TENM4: variants seen among roughly 807,000 people sequenced by gnomAD.
TENM4 encodes teneurin-4.
TENM4 carries 82 observed loss-of-function variants against 243.3 expected under a neutral mutation model. The ratio of observed to expected loss-of-function variants is 0.34; its 90% CI spans 0.28 to 0.40. The LOEUF is 0.40. Among genes scored for constraint, TENM4 ranks in the 10% least tolerant of loss-of-function variants. The pLI is 1.00. For missense variants in TENM4, 3,138 were observed against 3,673.3 expected (o/e 0.85, Z 3.77); for synonymous variants, 1,412 against 1,456.3 (o/e 0.97, Z 0.69).
intron 6 of TENM4, among the ~76,000 whole-genome samples, chr11:78,904,898 T>G (rs542373140): frequency 3.9e-5 from 6 of 152,346 alleles, no homozygotes; most frequent in African/African-American, 1.2e-4. Context: ...CCATCTAAGC[T>G]ATGCTCACAG....
intron 15 of TENM4, among the ~76,000 whole-genome samples, chr11:78,796,303 A>G (rs1001303062): frequency 6.6e-6 from 1 of 152,160 alleles, no homozygotes; most frequent in Admixed American, 6.5e-5. Flanking sequence ...GACTTTGCAG[A>G]AGGATAACAA....
chr11:79,049,394 G>A (rs1859741461), intron 6 of TENM4, among the ~76,000 whole-genome samples: 1 of 152,208 alleles, frequency 6.6e-6, no homozygotes, highest in African/African-American at 2.4e-5. Flanking sequence ...TTGCATGAAG[G>A]AGGATGACTA....
intron 19 of TENM4, among the ~76,000 whole-genome samples, chr11:78,753,152 G>T (rs78324081): frequency 0.012 from 1,881 of 152,252 alleles, 24 homozygotes; most frequent in South Asian, 0.026. Flanking sequence ...CAGATTCCCA[G>T]GCTTGTGCTA....
At chr11:79,158,492 A>G (rs1862670262) in intron 3 of TENM4, among the ~76,000 whole-genome samples, 1 of 152,108 alleles carries the variant, frequency 6.6e-6, no homozygotes, top group African/African-American at 2.4e-5. Context: ...TAATAGCACA[A>G]CCCTTGCATT....
chr11:79,156,599 C>T (rs1862623360), intron 3 of TENM4, among the ~76,000 whole-genome samples: 1 of 152,174 alleles, frequency 6.6e-6, no homozygotes, highest in African/African-American at 2.4e-5. Flanking sequence ...AAGCCTTCCT[C>T]ACCCTCTGTC....
intron 2 of TENM4, among the ~76,000 whole-genome samples, chr11:79,266,506 C>A (rs1199334866): frequency 6.6e-6 from 1 of 152,176 alleles, no homozygotes; most frequent in African/African-American, 2.4e-5. Context: ...TGCCCCAGAG[C>A]CCATCCTTCT....
chr11:79,321,315 C>T (rs920100426), intron 1 of TENM4, among the ~76,000 whole-genome samples: 7 of 152,198 alleles, frequency 4.6e-5, no homozygotes, highest in East Asian at 1.9e-4. Flanking sequence ...CCCACCACCC[C>T]GGCTGCTACA....
At chr11:79,251,583 A>C (rs1405209685) in intron 2 of TENM4, among the ~76,000 whole-genome samples, 3 of 152,132 alleles carry the variant, frequency 2.0e-5, no homozygotes, top group Non-Finnish European at 4.4e-5. Flanking sequence ...CAATATCACA[A>C]ACTACATCAC....
intron 6 of TENM4, among the ~76,000 whole-genome samples, chr11:79,001,155 T>C (rs1197201672): frequency 6.6e-6 from 1 of 152,194 alleles, no homozygotes; most frequent in African/African-American, 2.4e-5. Flanking sequence ...CAATGATATA[T>C]TGTCTATAGG....
At chr11:79,240,644 C>T (rs1271468853) in intron 2 of TENM4, among the ~76,000 whole-genome samples, 1 of 152,156 alleles carries the variant, frequency 6.6e-6, no homozygotes, top group East Asian at 1.9e-4. Context: ...TTCAGTCCGG[C>T]CATCTGACCC....
intron 6 of TENM4, among the ~76,000 whole-genome samples, chr11:79,039,086 A>G (rs1859455923): frequency 1.3e-5 from 2 of 152,208 alleles, no homozygotes; most frequent in African/African-American, 4.8e-5. Flanking sequence ...AGAATGCAGA[A>G]AGTTCTCTTG....
chr11:79,282,537 C>A (rs147256135), intron 2 of TENM4, among the ~76,000 whole-genome samples: 3 of 152,168 alleles, frequency 2.0e-5, no homozygotes, highest in Admixed American at 1.3e-4. Context: ...TCTGTTCTAA[C>A]CAATTTCAGC....
intron 3 of TENM4, among the ~76,000 whole-genome samples, chr11:79,190,482 A>G (rs2135160870): frequency 6.6e-6 from 1 of 152,296 alleles, no homozygotes; most frequent in East Asian, 1.9e-4. Context: ...AAGACCTGGC[A>G]CAGGACTTGG....
intron 16 of TENM4, among the ~76,000 whole-genome samples, chr11:78,780,022 T>A (rs1856810893): frequency 6.6e-6 from 1 of 152,164 alleles, no homozygotes; most frequent in African/African-American, 2.4e-5. Flanking sequence ...CACAGCCAAG[T>A]GGAAAATTGG....
intron 4 of TENM4, among the ~76,000 whole-genome samples, chr11:79,122,001 C>A (rs187912615): frequency 1.3e-5 from 2 of 152,164 alleles, no homozygotes; most frequent in African/African-American, 4.8e-5. Context: ...ATAGGATAAC[C>A]ACTTTTTGTT....
chr11:78,873,180 G>C (rs1859180640), intron 9 of TENM4, among the ~76,000 whole-genome samples: 1 of 152,076 alleles, frequency 6.6e-6, no homozygotes, highest in Non-Finnish European at 1.5e-5. Flanking sequence ...CTTTATCTGT[G>C]CACGGAGCAA....
rs753020453 is a variant in TENM4, at chr11:78,688,023, C to T, written c.5260+31G>A. 3.1e-6 allele frequency: 5 copies of T among 1,609,440 alleles called. No homozygotes were observed. In the Admixed American group the frequency reaches 8.4e-5, roughly 27 times the overall value. On this transcript the variant is annotated intron_variant, in intron 29 of 33. Transcript: ENST00000278550. ...CAAAGGGGTCTTCCCACCCCTCTGC[C>T]TCAAAGTCCCCTGGCCCCCACCTGA...
chr11:78,941,559 C>T (rs545368531), intron 6 of TENM4, among the ~76,000 whole-genome samples: 10 of 149,528 alleles, frequency 6.7e-5, no homozygotes, highest in African/African-American at 1.7e-4. Context: ...CCTCTAGGCT[C>T]GGAGGCAGGA....
rs1400303590 is a variant in TENM4 at position 78,654,395 on chromosome 11, G to T, written c.*3663C>A. On this transcript the variant is annotated 3_prime_UTR_variant, in exon 34 of 34. Transcript: ENST00000278550. ...TGCAAGTGGTAAAACTGCATTCTAA[G>T]ATTTCACATTGAAATCTTAGATTCC... 2 of 152,202 alleles carry T rather than the reference G, an allele frequency of 1.3e-5. No individual in the cohort carries two copies. The highest frequency in any genetic ancestry group is 4.8e-5 in the African/African-American group (2 of 41,460). 9.4% of individuals were successfully genotyped at this position (152,202 alleles called of 1,614,324 possible). A position where few individuals can be genotyped will look rare whatever the true frequency, so the allele number is the denominator to read the frequency against.
Sources: allele counts gnomAD v4.1 joint callset (sites outside exome capture counted in the v4.1 genomes callset), GRCh38; gene constraint gnomAD v4.1.1; transcripts MANE v1.5; gene names NCBI Gene and HGNC (gene_info 2026-07-23, HGNC 2026-07-21).